The following CNTN5 variants were observed in gnomAD, a reference collection of about 807,000 sequenced individuals.
The protein encoded by CNTN5 is contactin 5.
Under a neutral mutation model 129.1 loss-of-function variants are expected in CNTN5, and 77 were observed. The ratio of observed to expected loss-of-function variants is 0.60; its 90% CI spans 0.50 to 0.72. The LOEUF (loss-of-function observed/expected upper bound fraction) is 0.72, where lower values mean the gene tolerates loss of function less well. Among genes scored for constraint, CNTN5 ranks in the 30% least tolerant of loss-of-function variants. CNTN5 has a pLI of 0.00. For missense variants in CNTN5, 1,478 were observed against 1,328.8 expected (o/e 1.11, Z -1.75); for synonymous variants, 509 against 465.6 (o/e 1.09, Z -1.20).
chr11:100,209,702 C>G (rs1948986872), intron 15 of CNTN5, among the ~76,000 whole-genome samples: 1 of 152,182 alleles, frequency 6.6e-6, no homozygotes, highest in African/African-American at 2.4e-5. Flanking sequence ...CTAGTGATCT[C>G]AGTGCCTCAG....
At chr11:99,477,303 A>G (rs1041721685) in intron 2 of CNTN5, among the ~76,000 whole-genome samples, 17 of 151,916 alleles carry the variant, frequency 1.1e-4, no homozygotes, top group Admixed American at 3.9e-4. Flanking sequence ...CTGTATAGTT[A>G]TTTTCTAATT....
chr11:99,026,293 T>C (rs1863104153), intron 1 of CNTN5, among the ~76,000 whole-genome samples: 1 of 151,598 alleles, frequency 6.6e-6, no homozygotes, highest in African/African-American at 2.4e-5. Context: ...AAAACCTTCT[T>C]CTTCATATTC....
chr11:100,333,970 T>C (rs769248736), intron 21 of CNTN5, among the ~76,000 whole-genome samples: 5 of 152,028 alleles, frequency 3.3e-5, no homozygotes, highest in Admixed American at 6.6e-5. Flanking sequence ...TGCACAGCGA[T>C]AGAAATAATC....
At chr11:100,012,993 G>A (rs566758449) in intron 9 of CNTN5, among the ~76,000 whole-genome samples, 40 of 152,254 alleles carry the variant, frequency 2.6e-4, no homozygotes, top group African/African-American at 9.6e-4. Flanking sequence ...AAAACAGGAT[G>A]TAAAGAATTA....
intron 2 of CNTN5, among the ~76,000 whole-genome samples, chr11:99,528,664 G>A (rs1417392510): frequency 6.6e-6 from 1 of 152,210 alleles, no homozygotes; most frequent in African/African-American, 2.4e-5. Flanking sequence ...GAAGCTGATG[G>A]TGTAATTCTC....
intron 3 of CNTN5, among the ~76,000 whole-genome samples, chr11:99,627,744 T>C (rs1951182845): frequency 6.6e-6 from 1 of 151,894 alleles, no homozygotes; most frequent in Admixed American, 6.6e-5. Flanking sequence ...TGGTCTTTAA[T>C]ATCTGGGCCA....
intron 3 of CNTN5, among the ~76,000 whole-genome samples, chr11:99,599,897 T>A (rs879295603): frequency 6.6e-6 from 1 of 152,130 alleles, no homozygotes; most frequent in African/African-American, 2.4e-5. Flanking sequence ...TAATATATTA[T>A]ACATAAAAGC....
At chr11:99,161,528 C>T (rs934896036) in intron 1 of CNTN5, among the ~76,000 whole-genome samples, 1 of 151,930 alleles carries the variant, frequency 6.6e-6, no homozygotes, top group Non-Finnish European at 1.5e-5. Context: ...AAACCAATTG[C>T]GAGCATGGAG....
intron 3 of CNTN5, among the ~76,000 whole-genome samples, chr11:99,671,499 G>A (rs1953042858): frequency 6.6e-6 from 1 of 151,998 alleles, no homozygotes; most frequent in Non-Finnish European, 1.5e-5. Flanking sequence ...CATGCAAATA[G>A]CAAATGTTTT....
chr11:99,825,214 G>A (rs939930527), intron 4 of CNTN5, among the ~76,000 whole-genome samples: 1 of 151,984 alleles, frequency 6.6e-6, no homozygotes, highest in South Asian at 2.1e-4. Flanking sequence ...ATTTCTTTAG[G>A]ATGTTTTCGC....
chr11:99,625,627 T>C (rs1951097906), intron 3 of CNTN5, among the ~76,000 whole-genome samples: 1 of 152,144 alleles, frequency 6.6e-6, no homozygotes, highest in Admixed American at 6.6e-5. Context: ...TTTTCATTTC[T>C]CCAGAAATTT....
chr11:99,760,791 T>G (rs1344226934), intron 3 of CNTN5, among the ~76,000 whole-genome samples: 1 of 151,770 alleles, frequency 6.6e-6, no homozygotes, highest in Non-Finnish European at 1.5e-5. Flanking sequence ...AAAATCCAAA[T>G]TATAAGTTAA....
intron 1 of CNTN5, among the ~76,000 whole-genome samples, chr11:99,146,226 A>G (rs756410340): frequency 1.2e-4 from 18 of 152,268 alleles, no homozygotes; most frequent in Middle Eastern, 6.8e-3. Flanking sequence ...GAGAAGTATC[A>G]CAAGGAATTC....
chr11:99,770,178 T>A (rs1944896850), intron 3 of CNTN5, among the ~76,000 whole-genome samples: 1 of 152,156 alleles, frequency 6.6e-6, no homozygotes, highest in African/African-American at 2.4e-5. Flanking sequence ...ATTGAGTTAG[T>A]TTAATTTGCT....
intron 3 of CNTN5, among the ~76,000 whole-genome samples, chr11:99,776,645 T>C (rs955302290): frequency 6.6e-6 from 1 of 151,574 alleles, no homozygotes; most frequent in Non-Finnish European, 1.5e-5. Context: ...CTGTTAACTT[T>C]TATTTTCAAC....
At chr11:99,434,770 C>A (rs1943535850) in intron 2 of CNTN5, among the ~76,000 whole-genome samples, 1 of 152,054 alleles carries the variant, frequency 6.6e-6, no homozygotes, top group East Asian at 1.9e-4. Flanking sequence ...AACAGGTGCC[C>A]AAAAATTGCT....
intron 1 of CNTN5, among the ~76,000 whole-genome samples, chr11:99,150,505 T>G (rs1479810156): frequency 6.6e-6 from 1 of 151,972 alleles, no homozygotes; most frequent in Non-Finnish European, 1.5e-5. Flanking sequence ...TATAAATAAT[T>G]GTAGTTCATT....
At chr11:99,861,847 T>A (rs1948217114) in intron 6 of CNTN5, among the ~76,000 whole-genome samples, 1 of 152,218 alleles carries the variant, frequency 6.6e-6, no homozygotes, top group Non-Finnish European at 1.5e-5. Context: ...TTCAAACTAT[T>A]TTCTAGCATC....
intron 3 of CNTN5, among the ~76,000 whole-genome samples, chr11:99,815,737 G>C (rs1054418337): frequency 3.3e-5 from 5 of 152,118 alleles, no homozygotes; most frequent in Non-Finnish European, 7.4e-5. Flanking sequence ...TAATCCACTT[G>C]AATTGATTTA....
Sources: gnomAD v4.1 joint callset for allele counts (sites outside exome capture counted in the v4.1 genomes callset) on GRCh38, gnomAD v4.1.1 for gene constraint, MANE v1.5 for transcripts, NCBI Gene and HGNC (gene_info 2026-07-23, HGNC 2026-07-21) for gene names.